The following CHD1L variants were observed in gnomAD, a reference collection of about 807,000 sequenced individuals.
CHD1L encodes chromodomain helicase DNA binding protein 1 like.
In CHD1L, 118 loss-of-function variants were observed where a neutral mutation model predicts 115.9. The observed-to-expected ratio is 1.02, with a 90% CI of 0.88 to 1.19. CHD1L has a LOEUF of 1.19. CHD1L is among the 50% of genes most tolerant of loss of function. The probability of loss-of-function intolerance (pLI) is 0.00; values close to 1 mark genes in which losing one functional copy is unlikely to be tolerated. For synonymous variants in CHD1L, 411 were observed against 387.1 expected (o/e 1.06, Z -0.72); for missense variants, 1,179 against 1,065.3 (o/e 1.11, Z -1.49).
the CHD1L span, among the ~76,000 whole-genome samples, chr1:147,216,218 C>T: frequency 2.0e-5 from 3 of 152,234 alleles, no homozygotes; most frequent in Admixed American, 6.5e-5. Context: ...TCAGAAAGCT[C>T]GCTCTGGTAG....
intron 16 of CHD1L, among the ~76,000 whole-genome samples, chr1:147,284,967 G>A (rs1445452425): frequency 6.6e-6 from 1 of 152,234 alleles, no homozygotes; most frequent in African/African-American, 2.4e-5. Flanking sequence ...ATTGCAGAAA[G>A]AGTTCCATTA....
intron 1 of CHD1L, chr1:147,243,163 A>G (rs1665367401): frequency 5.0e-6 from 1 of 198,420 alleles, no homozygotes; most frequent in South Asian, 1.9e-4. Context: ...TGGTGCACCA[A>G]GGATGTAGGT....
the CHD1L span, chr1:147,186,552 C>CT: frequency 9.9e-7 from 1 of 1,014,436 alleles, no homozygotes; most frequent in African/African-American, 1.7e-5. Context: ...CCGATGCTGA[C>CT]TTACTCTCCC....
upstream of CHD1L, among the ~76,000 whole-genome samples, chr1:147,238,059 T>C (rs1553930147): frequency 6.6e-6 from 1 of 152,248 alleles, no homozygotes; most frequent in Non-Finnish European, 1.5e-5. Context: ...TGGTATATTT[T>C]CCCTGGCTTT....
At chr1:147,250,913 G>A (rs1668209759) in intron 1 of CHD1L, among the ~76,000 whole-genome samples, 1 of 152,048 alleles carries the variant, frequency 6.6e-6, no homozygotes, top group South Asian at 2.1e-4. Flanking sequence ...GAATCATGGG[G>A]TCAGTTCCCC....
the CHD1L span, chr1:147,184,701 T>G: frequency 7.0e-7 from 1 of 1,419,352 alleles, no homozygotes; most frequent in Non-Finnish European, 9.2e-7. This position sits in a 1 kb window ranked among gnomAD's most constrained non-coding sequence, Gnocchi z 4.4. Context: ...ATCTCAAAGG[T>G]ACATACTATC....
At chr1:147,241,838 A>G (rs1244499267), upstream of CHD1L, among the ~76,000 whole-genome samples, 4 of 152,200 alleles carry the variant, frequency 2.6e-5, no homozygotes, top group African/African-American at 9.7e-5. Flanking sequence ...GCCAGAGAAT[A>G]ATATCGTTCC....
rs781837246 is a variant in CHD1L, at chr1:147,293,635, G to C, written c.2419G>C (p.Asp807His). 8.1e-6 allele frequency: 13 copies of C among 1,613,980 alleles called. No homozygotes were observed. The highest frequency in any genetic ancestry group is 1.0e-5 in the Non-Finnish European group (12 of 1,180,026). The change falls in exon 21 of 23, where the codon GAT (aspartate) becomes CAT (histidine). Residue 807 changes from aspartate (D) to histidine (H), a missense_variant. Asp to His is a moderately conservative substitution (Grantham distance 81, BLOSUM62 -1). Coordinates refer to ENST00000369258, the MANE Select transcript of CHD1L (RefSeq NM_004284.6). ...GGCCTTGATTGTGGCTCAGCATCGTGATCGTTCCAATGTCCTGTCTGGCAT... is the reference window on the plus strand; with the variant it reads ...GGCCTTGATTGTGGCTCAGCATCGTCATCGTTCCAATGTCCTGTCTGGCAT... The part of the protein sequence containing the change: ...LLALIVAQHR[D>H]RSNVLSGIKM...
At chr1:147,240,877 C>T (rs1463011402), upstream of CHD1L, among the ~76,000 whole-genome samples, 1 of 152,098 alleles carries the variant, frequency 6.6e-6, no homozygotes, top group African/African-American at 2.4e-5. Context: ...GAGAAATGCC[C>T]GATAATGATC....
the CHD1L span, chr1:147,225,453 A>T: frequency 6.0e-6 from 1 of 167,474 alleles, no homozygotes; most frequent in Non-Finnish European, 1.3e-5. Flanking sequence ...CCGCCCACTC[A>T]GCGGCACCCA....
At chr1:147,221,255 G>T in the CHD1L span, among the ~76,000 whole-genome samples, 1 of 152,140 alleles carries the variant, frequency 6.6e-6, no homozygotes, top group Admixed American at 6.5e-5. Flanking sequence ...AGGAAAAACT[G>T]AGTAAATCTG....
chr1:147,288,325 T>TAAAGA (rs1684100770), intron 19 of CHD1L, among the ~76,000 whole-genome samples: 3 of 90,030 alleles, frequency 3.3e-5, no homozygotes, highest in African/African-American at 1.2e-4. Context: ...CCTGTTTCAA[T>TAAAGA]AAAAAAAAAA....
At chr1:147,190,643 A>G in the CHD1L span, among the ~76,000 whole-genome samples, 5,607 of 152,168 alleles carry the variant, frequency 0.037, 153 homozygotes, top group South Asian at 0.095. Flanking sequence ...TAACAAAGGG[A>G]CCTTATATCA....
intron 19 of CHD1L, among the ~76,000 whole-genome samples, chr1:147,291,120 G>A (rs868958066): frequency 1.3e-5 from 2 of 152,184 alleles, no homozygotes; most frequent in African/African-American, 4.8e-5. Context: ...AGATAAAGTA[G>A]AATGTAATAA....
rs782275981 is a variant in CHD1L, at chr1:147,266,045, T to C, written c.853T>C (p.Leu285=). The C allele has an allele frequency of 2.1e-5, 34 of 1,613,534 alleles. 1 individual carries two copies. The highest frequency in any genetic ancestry group is 7.7e-5 in the South Asian group (7 of 91,000). ...EVVIYHGMSA[L]QKKYYKAILM... ...AGTGATATACCATGGCATGTCAGCA[T>C]TGCAGAAGAAATACTACAAGGCCAT... The change falls in exon 8 of 23, where the codon TTG becomes CTG. Residue 285 remains leucine, a synonymous_variant. Transcript: ENST00000369258.
At chr1:147,229,986 T>C in the CHD1L span, among the ~76,000 whole-genome samples, 29 of 143,060 alleles carry the variant, frequency 2.0e-4, no homozygotes, top group African/African-American at 7.9e-4. Flanking sequence ...CTTTTCCTAA[T>C]TGAATACCCT....
At chr1:147,203,676 C>T in the CHD1L span, 4 of 1,465,698 alleles carry the variant, frequency 2.7e-6, no homozygotes, top group Admixed American at 1.7e-5. Context: ...ATCTGTTTGG[C>T]TAATTCAATT....
chr1:147,214,782 T>A, the CHD1L span: 1 of 151,956 alleles, frequency 6.6e-6, no homozygotes, highest in Non-Finnish European at 1.5e-5. Flanking sequence ...TATAATAAAA[T>A]TTTTCTTCAT....
chr1:147,213,353 T>G, the CHD1L span: 1 of 1,613,538 alleles, frequency 6.2e-7, no homozygotes, highest in Non-Finnish European at 8.5e-7. Context: ...TGATGGCCAG[T>G]GCAAACCATG....
Sources: gnomAD v4.1 joint callset for allele counts (sites outside exome capture counted in the v4.1 genomes callset) on GRCh38, gnomAD v4.1.1 for gene constraint, Gnocchi (gnomAD v3.1) non-coding constraint, MANE v1.5 for transcripts, NCBI Gene and HGNC (gene_info 2026-07-23, HGNC 2026-07-21) for gene names.